TTLL5: variants seen among roughly 807,000 people sequenced by gnomAD.
The protein encoded by TTLL5 is tubulin tyrosine ligase like 5.
A neutral mutation model predicts 168.4 loss-of-function variants in TTLL5; 132 were observed. The ratio of observed to expected loss-of-function variants is 0.78; its 90% CI spans 0.68 to 0.91. TTLL5 has a LOEUF of 0.91. Among genes scored for constraint, TTLL5 ranks in the 40% least tolerant of loss-of-function variants. The pLI is 0.00. For synonymous variants in TTLL5, 546 were observed against 558.6 expected (o/e 0.98, Z 0.32); for missense variants, 1,545 against 1,581.5 (o/e 0.98, Z 0.39).
At chr14:75,819,973 T>C in intron 27 of TTLL5, 34 bp from the exon 28 acceptor site, 1 of 1,566,962 alleles carries the variant, frequency 6.4e-7, no homozygotes, top group South Asian at 1.2e-5. Flanking sequence ...AAAAACTCTG[T>C]AAAGTCAGGT....
intron 27 of TTLL5, among the ~76,000 whole-genome samples, chr14:75,801,370 G>T (rs549997854): frequency 3.9e-5 from 6 of 152,274 alleles, no homozygotes; most frequent in African/African-American, 1.4e-4. Flanking sequence ...ATCTCCTGGG[G>T]TGCATAAGAT....
At chr14:75,734,130 CCAACTGGCA>C in intron 14 of TTLL5, 80 bp downstream of exon 14, 1 of 1,389,646 alleles carries the variant, frequency 7.2e-7, no homozygotes, top group Non-Finnish European at 1.0e-6. Context: ...ATAGGTTTTG[CCAACTGGCA>C]GGTCCTAAGC....
chr14:75,805,847 T>C (rs1187975386), intron 27 of TTLL5, among the ~76,000 whole-genome samples: 1 of 152,138 alleles, frequency 6.6e-6, no homozygotes, highest in Non-Finnish European at 1.5e-5. Flanking sequence ...CCTCATTCTA[T>C]GTCCAGGCAG....
At position 75,916,807 on chromosome 14, in the gene TTLL5, A is replaced by G. The variant is rs538518350; in HGVS notation, c.3823+14583A>G. ...CCAAGTGTCCGTCGGCAGATGAATG[A>G]GTCAACAAAATGTGGTCTATGTATT... is the stretch of plus-strand genomic sequence containing the variant. On this transcript the variant is annotated intron_variant, in intron 31 of 31. Coordinates refer to ENST00000298832, the MANE Select transcript of TTLL5 (RefSeq NM_015072.5). Among the ~76,000 whole-genome samples the G allele has an allele frequency of 1.5e-4, 23 of 152,362 alleles. 1 individual carries two copies. The South Asian group carries it at 4.1e-3, about 27-fold the overall frequency.
chr14:75,699,280 C>CA lies in TTLL5; in HGVS notation c.585+11dup. ...CTACCTGATCAACAATGTAAGTATG[C>CA]AGCAGATGGCAAACCTCTCTCCTCA... On this transcript the variant is annotated intron_variant, in intron 7 of 31. Transcript: ENST00000298832. The CA allele has an allele frequency of 4.3e-6, 7 of 1,610,568 alleles. No homozygotes were observed. Among genetic ancestry groups the CA allele is most frequent in the Non-Finnish European group, 5.9e-6 (7 of 1,176,896 alleles).
intron 28 of TTLL5, among the ~76,000 whole-genome samples, chr14:75,847,094 C>T (rs376795094): frequency 3.9e-5 from 6 of 151,932 alleles, no homozygotes; most frequent in South Asian, 2.1e-4. Context: ...CTCTGCTTCC[C>T]GGGTTCAATT....
intron 12 of TTLL5, among the ~76,000 whole-genome samples, chr14:75,723,855 G>C (rs1474896773): frequency 6.6e-6 from 1 of 151,946 alleles, no homozygotes; most frequent in African/African-American, 2.4e-5. Flanking sequence ...TGGCTTTTGT[G>C]GTTCTAATTC....
intron 31 of TTLL5, among the ~76,000 whole-genome samples, chr14:75,928,342 C>CACATATATAT (rs2034146372): frequency 1.2e-5 from 1 of 81,970 alleles, no homozygotes; most frequent in Non-Finnish European, 2.4e-5. Context: ...ATGACAAAAA[C>CACATATATAT]ATATATATAT....
intron 17 of TTLL5, among the ~76,000 whole-genome samples, chr14:75,746,655 C>A (rs757089711): frequency 6.6e-6 from 1 of 151,464 alleles, no homozygotes; most frequent in Non-Finnish European, 1.5e-5. Flanking sequence ...TTCCTGGGCT[C>A]CACTTCAAGC....
intron 30 of TTLL5, 29 bp from the exon 31 acceptor site, chr14:75,902,113 A>C: frequency 6.2e-7 from 1 of 1,611,228 alleles, no homozygotes; most frequent in Admixed American, 1.7e-5. Flanking sequence ...TTCCGCCTGC[A>C]GGTCTGACCA....
intron 27 of TTLL5, among the ~76,000 whole-genome samples, chr14:75,806,738 A>G (rs1893679521): frequency 6.6e-6 from 1 of 152,202 alleles, no homozygotes; most frequent in Non-Finnish European, 1.5e-5. Context: ...CTGCCTCAGC[A>G]CCTGACTCAT....
intron 27 of TTLL5, among the ~76,000 whole-genome samples, chr14:75,807,928 G>A (rs1294083539): frequency 2.6e-5 from 4 of 152,154 alleles, no homozygotes. Flanking sequence ...CAAAACATGT[G>A]GCTCTGTTGA....
intron 2 of TTLL5, among the ~76,000 whole-genome samples, chr14:75,664,924 C>A (rs1406333487): frequency 1.3e-5 from 2 of 152,136 alleles, no homozygotes; most frequent in Admixed American, 6.5e-5. Context: ...TATGAAACTG[C>A]CATTTTGGTA....
intron 15 of TTLL5, among the ~76,000 whole-genome samples, 168 bp from the exon 16 acceptor site, chr14:75,744,927 G>A (rs965297367): frequency 2.6e-5 from 4 of 151,926 alleles, no homozygotes; most frequent in Admixed American, 6.6e-5. Context: ...ATTAGCTTTC[G>A]TCTGTTTTCC....
chr14:75,806,667 G>C (rs1893675741), intron 27 of TTLL5, among the ~76,000 whole-genome samples: 1 of 152,154 alleles, frequency 6.6e-6, no homozygotes, highest in Non-Finnish European at 1.5e-5. Flanking sequence ...ATCACACTAG[G>C]TATGTCAAGA....
At chr14:75,722,066 T>A (rs918267389) in intron 12 of TTLL5, among the ~76,000 whole-genome samples, 1 of 152,182 alleles carries the variant, frequency 6.6e-6, no homozygotes, top group Non-Finnish European at 1.5e-5. Flanking sequence ...TCTTCTAGAA[T>A]TCCATTTCCC....
intron 28 of TTLL5, among the ~76,000 whole-genome samples, chr14:75,821,302 C>T (rs575228457): frequency 3.9e-5 from 6 of 152,238 alleles, no homozygotes; most frequent in African/African-American, 1.2e-4. Context: ...AAGACCAAGA[C>T]GCAGGACTTT....
Position 75,671,247 on chromosome 14 carries a change from T to C in TTLL5, c.181+1725T>C, listed in dbSNP as rs570609532. On this transcript the variant is annotated intron_variant, in intron 3 of 31. Transcript: ENST00000298832. ...TGGGTTTACTTATGGACTTTTAATA[T>C]TTCATTGAACTATACATTTATCCTT... Among the ~76,000 whole-genome samples the C allele has an allele frequency of 6.6e-5, 10 of 152,334 alleles. No homozygotes were observed. The South Asian group carries it at 2.1e-3, about 32-fold the overall frequency.
In TTLL5 at chr14:75,772,763, G is replaced by T. The variant is rs534084211; in HGVS notation, c.2136+909G>T. 2.6e-5 allele frequency among the ~76,000 whole-genome samples: 4 copies of T among 151,930 alleles called. No individual in the cohort carries two copies. The South Asian group carries it at 8.4e-4, about 32-fold the overall frequency. On this transcript the variant is annotated intron_variant, in intron 21 of 31. Transcript: ENST00000298832. ...GCTCACTGCAACCTCCGCTTCCTGGGTTCAAGCTATTCTCCTGCCTTAGCC... is the reference window on the plus strand; with the variant it reads ...GCTCACTGCAACCTCCGCTTCCTGGTTTCAAGCTATTCTCCTGCCTTAGCC...
Sources: allele counts gnomAD v4.1 joint callset (sites outside exome capture counted in the v4.1 genomes callset), GRCh38; gene constraint gnomAD v4.1.1; transcripts MANE v1.5; gene names NCBI Gene and HGNC (gene_info 2026-07-23, HGNC 2026-07-21).